The following PVT1 variants were observed in gnomAD, a reference collection of about 807,000 sequenced individuals.
PVT1 encodes the protein Pvt1 oncogene.
intron 3 of PVT1, among the ~76,000 whole-genome samples, chr8:127,954,573 A>C (rs1317201955): frequency 6.6e-6 from 1 of 152,118 alleles, no homozygotes; most frequent in Non-Finnish European, 1.5e-5. Context: ...GATTACAGGC[A>C]TGAGCCACTG....
intron 4 of PVT1, among the ~76,000 whole-genome samples, chr8:128,023,209 A>G (rs1563668285): frequency 6.6e-6 from 1 of 152,158 alleles, no homozygotes; most frequent in Non-Finnish European, 1.5e-5. Context: ...TCCACTGTTG[A>G]ATCTCTTTTA....
At chr8:127,983,199 G>A (rs1816904860) in intron 3 of PVT1, among the ~76,000 whole-genome samples, 1 of 152,204 alleles carries the variant, frequency 6.6e-6, no homozygotes, top group African/African-American at 2.4e-5. Context: ...TGGCTCGGAT[G>A]TGGCCTAATT....
chr8:127,868,849 G>A (rs1313768667), intron 2 of PVT1, among the ~76,000 whole-genome samples: 2 of 49,062 alleles, frequency 4.1e-5, no homozygotes, highest in Admixed American at 4.9e-4. Flanking sequence ...CTTTTTAAAA[G>A]TTTCTCAGAC....
chr8:127,904,849 AT>A (rs2129831848), intron 3 of PVT1, among the ~76,000 whole-genome samples: 1 of 152,272 alleles, frequency 6.6e-6, no homozygotes, highest in African/African-American at 2.4e-5. Context: ...ATTAGGAAGA[AT>A]TTCTAGATGC....
At chr8:127,864,240 G>C (rs1815259941) in intron 2 of PVT1, among the ~76,000 whole-genome samples, 5 of 152,148 alleles carry the variant, frequency 3.3e-5, no homozygotes, top group Admixed American at 3.3e-4. Flanking sequence ...CTGGGGTCCT[G>C]GGTGAGCAGG....
chr8:128,001,926 G>GCCCCTACCTCCAAAT (rs1319466493), intron 4 of PVT1, among the ~76,000 whole-genome samples: 1 of 152,044 alleles, frequency 6.6e-6, no homozygotes, highest in African/African-American at 2.4e-5. Context: ...GCCTCCCAAA[G>GCCCCTACCTCCAAAT]CCCCTACCTC....
intron 2 of PVT1, among the ~76,000 whole-genome samples, chr8:127,812,153 AGAGGG>A (rs1237880177): frequency 3.5e-5 from 3 of 86,562 alleles, no homozygotes; most frequent in Non-Finnish European, 6.7e-5. Flanking sequence ...GGAGGGGAGG[AGAGGG>A]GAGGGGAGGG....
chr8:128,035,182 C>T (rs1259050092), intron 4 of PVT1, among the ~76,000 whole-genome samples: 1 of 152,206 alleles, frequency 6.6e-6, no homozygotes, highest in East Asian at 1.9e-4. Flanking sequence ...CTGTTGGCTA[C>T]TCTAGTCCTG....
chr8:127,936,009 C>A (rs1463410253), intron 3 of PVT1, among the ~76,000 whole-genome samples: 2 of 142,522 alleles, frequency 1.4e-5, no homozygotes, highest in African/African-American at 5.2e-5. Context: ...AAGAGTTGGA[C>A]AAACAGTGTC....
chr8:128,068,327 A>G (rs1024397533), intron 4 of PVT1, among the ~76,000 whole-genome samples: 5 of 152,068 alleles, frequency 3.3e-5, no homozygotes, highest in Non-Finnish European at 7.4e-5. Context: ...TTCTATGCAG[A>G]AAACTCACTT....
At chr8:127,799,468 C>G in intron 2 of PVT1, among the ~76,000 whole-genome samples, 1 of 152,110 alleles carries the variant, frequency 6.6e-6, no homozygotes, top group East Asian at 1.9e-4. Context: ...GATACACAGT[C>G]AACAGTCATT....
intron 3 of PVT1, among the ~76,000 whole-genome samples, chr8:127,973,193 G>A (rs1816783058): frequency 6.6e-6 from 1 of 152,160 alleles, no homozygotes; most frequent in Non-Finnish European, 1.5e-5. Flanking sequence ...ACCATGCCTG[G>A]CTGTTCAGCT....
intron 5 of PVT1, among the ~76,000 whole-genome samples, chr8:128,077,478 C>T (rs1586509771): frequency 6.6e-6 from 1 of 152,038 alleles, no homozygotes; most frequent in East Asian, 1.9e-4. Flanking sequence ...TTCCCTTTTC[C>T]TGTTTTATAT....
At chr8:127,801,151 A>G (rs1349605593) in intron 2 of PVT1, among the ~76,000 whole-genome samples, 1 of 152,234 alleles carries the variant, frequency 6.6e-6, no homozygotes, top group Non-Finnish European at 1.5e-5. Flanking sequence ...AGCAGCATGC[A>G]GTGTGCAGCC....
intron 4 of PVT1, among the ~76,000 whole-genome samples, chr8:128,034,359 G>A (rs1250004304): frequency 6.6e-6 from 1 of 152,172 alleles, no homozygotes; most frequent in Non-Finnish European, 1.5e-5. Context: ...CTGGATCTGG[G>A]GGAAGAAACC....
chr8:127,814,330 C>T (rs1229383274), intron 2 of PVT1, among the ~76,000 whole-genome samples: 3 of 152,230 alleles, frequency 2.0e-5, no homozygotes, highest in African/African-American at 7.2e-5. Flanking sequence ...CTGCCTGACG[C>T]GTCAGCCGGG....
At position 127,820,777 on chromosome 8, in the gene PVT1, T is replaced by C. The variant is rs1030772673; in HGVS notation, n.372+24706T>C. The stretch of plus-strand genomic sequence containing the variant: ...CAGGCTGGAATGCAGTGGCGCGATC[T>C]TGGCTCACTGCAACCTCTGCCTCCC... On this transcript the variant is annotated intron_variant and non_coding_transcript_variant, in intron 2 of 10. Transcript: ENST00000651587. Among the ~76,000 whole-genome samples the C allele has an allele frequency of 3.3e-5, 5 of 152,150 alleles. No homozygotes were observed. The East Asian group carries it at 5.8e-4, about 18-fold the overall frequency.
At chr8:127,844,702 T>G (rs74434517) in intron 2 of PVT1, among the ~76,000 whole-genome samples, 6,572 of 151,742 alleles carry the variant, frequency 0.043, 506 homozygotes, top group African/African-American at 0.15. Flanking sequence ...GTTTTTTTTT[T>G]GTTTTGTTTT....
intron 5 of PVT1, among the ~76,000 whole-genome samples, chr8:128,094,330 T>TA (rs958943950): frequency 2.0e-5 from 3 of 152,188 alleles, no homozygotes; most frequent in Non-Finnish European, 2.9e-5. Flanking sequence ...GATGTTTAAA[T>TA]AAAAAAATCA....
Sources: allele counts gnomAD v4.1 joint callset (sites outside exome capture counted in the v4.1 genomes callset), GRCh38; gene constraint gnomAD v4.1.1; transcripts MANE v1.5; gene names NCBI Gene and HGNC (gene_info 2026-07-23, HGNC 2026-07-21).